NHSL2: variants seen among roughly 807,000 people sequenced by gnomAD.
NHSL2 encodes the protein NHS like 2.
A neutral mutation model predicts 53.4 loss-of-function variants in NHSL2; 27 were observed. The ratio of observed to expected loss-of-function variants is 0.51; its 90% CI spans 0.37 to 0.70. The LOEUF (loss-of-function observed/expected upper bound fraction) is 0.70, where lower values mean the gene tolerates loss of function less well. Among genes scored for constraint, NHSL2 ranks in the 30% least tolerant of loss-of-function variants. The probability of loss-of-function intolerance (pLI) is 0.00; values close to 1 mark genes in which losing one functional copy is unlikely to be tolerated. For synonymous variants in NHSL2, 408 were observed against 404.1 expected (o/e 1.01, Z -0.12); for missense variants, 892 against 980.1 (o/e 0.91, Z 1.20).
chrX:72,125,864 C>T (rs2042220608), intron 1 of NHSL2, among the ~76,000 whole-genome samples: 1 of 112,298 alleles, frequency 8.9e-6, no homozygotes, highest in Non-Finnish European at 1.9e-5. Context: ...AGATGGTGCA[C>T]CTGATGCGTG....
chrX:72,097,021 T>G (rs890620706), intron 1 of NHSL2, among the ~76,000 whole-genome samples: 1 of 112,538 alleles, frequency 8.9e-6, no homozygotes, highest in African/African-American at 3.2e-5. Context: ...TTAACAAATC[T>G]CTTCCTAGCC....
intron 1 of NHSL2, among the ~76,000 whole-genome samples, chrX:71,991,012 C>T (rs780545245): frequency 3.1e-4 from 35 of 112,165 alleles, no homozygotes; most frequent in Admixed American, 2.1e-3. Flanking sequence ...AAAGAATGAG[C>T]GTGGTTAAGC....
In NHSL2 at chrX:72,016,328, C is replaced by T. The variant is rs142578166; in HGVS notation, c.280+104961C>T. On this transcript the variant is annotated intron_variant, in intron 1 of 7. Coordinates refer to ENST00000633930, the MANE Select transcript of NHSL2 (RefSeq NM_001013627.3). ...CTTGAGAGCTCTCTGTTCTCTTTCA[C>T]TCATTTGTCTACTTCTGTGCCAATG... is the stretch of plus-strand genomic sequence containing the variant. 9.8e-3 allele frequency among the ~76,000 whole-genome samples: 1,095 copies of T among 112,216 alleles called. 4 individuals carry two copies. Among genetic ancestry groups the T allele is most frequent in the Non-Finnish European group, 0.016 (841 of 53,189 alleles).
chrX:72,103,549 G>T (rs905315676), intron 1 of NHSL2, among the ~76,000 whole-genome samples: 1 of 111,486 alleles, frequency 9.0e-6, no homozygotes, highest in Non-Finnish European at 1.9e-5. Context: ...TGAGTCCCAG[G>T]TCCAAGGTTC....
intron 1 of NHSL2, among the ~76,000 whole-genome samples, chrX:72,092,427 A>G (rs1466167278): frequency 9.0e-6 from 1 of 111,270 alleles, no homozygotes; most frequent in Non-Finnish European, 1.9e-5. Context: ...TGGTCACTCC[A>G]CCTTCTGGAA....
chrX:72,105,808 G>A (rs180682706), intron 1 of NHSL2, among the ~76,000 whole-genome samples: 4,733 of 111,985 alleles, frequency 0.042, 257 homozygotes, highest in African/African-American at 0.15. Context: ...CTTGACTTTC[G>A]ATTTTGACGT....
At chrX:72,090,273 C>G (rs2041885045) in intron 1 of NHSL2, among the ~76,000 whole-genome samples, 1 of 111,093 alleles carries the variant, frequency 9.0e-6, no homozygotes, top group Admixed American at 9.6e-5. Context: ...CCGTGTTGCT[C>G]AGGTTGGTGT....
At chrX:71,950,215 C>T (rs1198600502) in intron 1 of NHSL2, among the ~76,000 whole-genome samples, 1 of 112,807 alleles carries the variant, frequency 8.9e-6, no homozygotes, top group Non-Finnish European at 1.9e-5. Context: ...AGGTGCCTGC[C>T]GAGCTGTCCA....
chrX:72,075,839 C>T (rs2041736326), intron 1 of NHSL2, among the ~76,000 whole-genome samples: 1 of 110,267 alleles, frequency 9.1e-6, no homozygotes, highest in East Asian at 2.8e-4. Flanking sequence ...CTAAAAATCA[C>T]CTGAACCAGG....
At chrX:72,143,204 T>C (rs1483295931) in intron 7 of NHSL2, 49 bp from the exon 8 acceptor site, 3 of 942,371 alleles carry the variant, frequency 3.2e-6, no homozygotes, top group Non-Finnish European at 4.3e-6. Flanking sequence ...GAAGCACTGG[T>C]AAATGTCTGC....
chrX:71,950,824 G>C (rs2041817081), intron 1 of NHSL2, among the ~76,000 whole-genome samples: 1 of 111,598 alleles, frequency 9.0e-6, no homozygotes, highest in African/African-American at 3.3e-5. Context: ...CTGATTTCTG[G>C]TATATCCTGA....
intron 1 of NHSL2, among the ~76,000 whole-genome samples, chrX:72,070,524 G>A (rs1466174288): frequency 1.8e-5 from 2 of 111,361 alleles, no homozygotes; most frequent in Non-Finnish European, 3.8e-5. Flanking sequence ...CTTCCCAGGC[G>A]GTGCAAGAAC....
At chrX:72,037,485 A>T in intron 1 of NHSL2, among the ~76,000 whole-genome samples, 1 of 111,317 alleles carries the variant, frequency 9.0e-6, no homozygotes, top group Admixed American at 9.4e-5. Context: ...GGTTCCAATG[A>T]CAATTTAGTT....
At chrX:71,969,382 G>A (rs1602285912) in intron 1 of NHSL2, among the ~76,000 whole-genome samples, 1 of 94,030 alleles carries the variant, frequency 1.1e-5, no homozygotes. Context: ...GCGCAATCTT[G>A]GTTCACTGCA....
chrX:71,935,819 G>A (rs1242981169), intron 1 of NHSL2, among the ~76,000 whole-genome samples: 1 of 112,114 alleles, frequency 8.9e-6, no homozygotes, highest in Non-Finnish European at 1.9e-5. Context: ...GAAGCTGCCT[G>A]TTGGCTAGGA....
chrX:72,025,799 T>C (rs943725162), intron 1 of NHSL2, among the ~76,000 whole-genome samples: 6 of 111,875 alleles, frequency 5.4e-5, no homozygotes, highest in African/African-American at 1.6e-4. Context: ...GTTTGATGCT[T>C]GGCAGCCAGG....
intron 1 of NHSL2, among the ~76,000 whole-genome samples, chrX:72,073,470 G>A (rs1201418150): frequency 8.9e-5 from 10 of 111,998 alleles, no homozygotes; most frequent in Non-Finnish European, 1.5e-4. Flanking sequence ...GCATGCTAGC[G>A]CCACCATCAC....
chrX:72,007,663 A>G (rs1489932746), intron 1 of NHSL2, among the ~76,000 whole-genome samples: 9 of 113,339 alleles, frequency 7.9e-5, no homozygotes, highest in African/African-American at 2.9e-4. Flanking sequence ...TGAGGTAGCA[A>G]TTAGCCCTGT....
In NHSL2 at chrX:72,148,272, A is replaced by G. The variant is rs1352086444; in HGVS notation, c.*4698A>G. The G allele has an allele frequency of 1.8e-5, 2 of 112,151 alleles. No individual in the cohort carries two copies. Among genetic ancestry groups the G allele is most frequent in the African/African-American group, 6.5e-5 (2 of 30,873 alleles). 9.2% of individuals were successfully genotyped at this position (112,151 alleles called of 1,213,427 possible). On this transcript the variant is annotated 3_prime_UTR_variant, in exon 8 of 8. Transcript: ENST00000633930. ...GGTGAAACTGTCCAATCCATGTCCA[A>G]TCAATGTCAGTCGTCCAGTATTGGT... is the stretch of plus-strand genomic sequence containing the variant.
Sources: allele counts gnomAD v4.1 joint callset (sites outside exome capture counted in the v4.1 genomes callset), GRCh38; gene constraint gnomAD v4.1.1; transcripts MANE v1.5; gene names NCBI Gene and HGNC (gene_info 2026-07-23, HGNC 2026-07-21).